Variants in GALNT13 observed in about 807,000 individuals in gnomAD.
GALNT13 encodes the protein UDP-GalNAc:polypeptide N-acetylgalactosaminyltransferase 13.
A neutral mutation model predicts 64.2 loss-of-function variants in GALNT13; 28 were observed. The observed-to-expected ratio is 0.44, with a 90% CI of 0.32 to 0.60. The LOEUF is 0.60. Ranked by LOEUF, GALNT13 falls within the 20% of genes least tolerant of loss-of-function variation. The probability of loss-of-function intolerance (pLI) is 0.05; values close to 1 mark genes in which losing one functional copy is unlikely to be tolerated. For synonymous variants in GALNT13, 214 were observed against 224.6 expected, an observed-to-expected ratio of 0.95 and a Z score of 0.42; for missense variants, 577 against 669.8, an observed-to-expected ratio of 0.86 and a Z score of 1.53.
At chr2:153,932,590 A>G (rs1481711239) in intron 2 of GALNT13, among the ~76,000 whole-genome samples, 1 of 141,374 alleles carries the variant, frequency 7.1e-6, no homozygotes, top group Non-Finnish European at 1.6e-5. Flanking sequence ...TTTTTGACAG[A>G]TCTTCTTTTT....
the GALNT13 span, among the ~76,000 whole-genome samples, chr2:153,708,741 T>A: frequency 6.6e-6 from 1 of 152,268 alleles, no homozygotes; most frequent in Non-Finnish European, 1.5e-5. Flanking sequence ...ATCTACTGTA[T>A]ACTACAAAGC....
chr2:153,231,804 G>A, the GALNT13 span, among the ~76,000 whole-genome samples: 2 of 151,910 alleles, frequency 1.3e-5, no homozygotes, highest in East Asian at 3.9e-4. Context: ...TCCTAGCTGG[G>A]GATAAAAGGA....
At chr2:154,126,845 T>A (rs1270996691) in intron 3 of GALNT13, among the ~76,000 whole-genome samples, 1 of 151,910 alleles carries the variant, frequency 6.6e-6, no homozygotes, top group Non-Finnish European at 1.5e-5. Flanking sequence ...GGGTCTCCCA[T>A]ATGGGAGTGC....
chr2:153,405,784 C>G, the GALNT13 span, among the ~76,000 whole-genome samples: 1 of 152,126 alleles, frequency 6.6e-6, no homozygotes, highest in African/African-American at 2.4e-5. Context: ...AAACCCAGGA[C>G]ATGCTAATTA....
At chr2:153,504,936 C>T in the GALNT13 span, among the ~76,000 whole-genome samples, 4 of 152,044 alleles carry the variant, frequency 2.6e-5, no homozygotes, top group African/African-American at 7.2e-5. Flanking sequence ...TCTCTCCTGT[C>T]GAATAGTGTC....
chr2:153,628,071 T>A, the GALNT13 span, among the ~76,000 whole-genome samples: 1 of 152,270 alleles, frequency 6.6e-6, no homozygotes, highest in Admixed American at 6.5e-5. Context: ...TCACGTCCCT[T>A]GTAAGTGGGA....
chr2:153,915,075 T>C (rs1281143390), intron 2 of GALNT13, among the ~76,000 whole-genome samples: 1 of 152,134 alleles, frequency 6.6e-6, no homozygotes, highest in South Asian at 2.1e-4. Context: ...GGTGTCCTGC[T>C]CTTCCCCCAG....
At chr2:154,355,729 A>T (rs1696702887) in intron 9 of GALNT13, among the ~76,000 whole-genome samples, 1 of 152,064 alleles carries the variant, frequency 6.6e-6, no homozygotes, top group Non-Finnish European at 1.5e-5. Flanking sequence ...GCTGCATAAA[A>T]TGAGTACTTT....
At chr2:153,436,037 A>ATG in the GALNT13 span, among the ~76,000 whole-genome samples, 1 of 152,170 alleles carries the variant, frequency 6.6e-6, no homozygotes, top group Non-Finnish European at 1.5e-5. Context: ...TTTAGCATGA[A>ATG]GTGCTGTTGA....
intron 4 of GALNT13, among the ~76,000 whole-genome samples, chr2:154,141,908 C>A (rs1233605332): frequency 1.3e-5 from 2 of 152,060 alleles, no homozygotes; most frequent in Non-Finnish European, 2.9e-5. Flanking sequence ...AAGCTATGCT[C>A]TAGATAGTTG....
At chr2:153,233,770 A>G in the GALNT13 span, among the ~76,000 whole-genome samples, 2 of 152,186 alleles carry the variant, frequency 1.3e-5, no homozygotes, top group African/African-American at 4.8e-5. Flanking sequence ...GCAGAAATGA[A>G]TCATCACCTG....
intron 2 of GALNT13, among the ~76,000 whole-genome samples, chr2:153,933,040 CAT>C (rs1280104578): frequency 6.6e-6 from 1 of 152,040 alleles, no homozygotes; most frequent in African/African-American, 2.4e-5. Flanking sequence ...TATGGGTGAA[CAT>C]GTGATTGATT....
the GALNT13 span, among the ~76,000 whole-genome samples, chr2:153,777,695 C>T: frequency 1.3e-5 from 2 of 152,156 alleles, no homozygotes; most frequent in Non-Finnish European, 2.9e-5. Flanking sequence ...TCACTGCTCA[C>T]ACCTCTAGGG....
intron 3 of GALNT13, among the ~76,000 whole-genome samples, chr2:154,024,700 C>T (rs1171799447): frequency 2.0e-5 from 3 of 152,154 alleles, no homozygotes; most frequent in Non-Finnish European, 4.4e-5. Flanking sequence ...GCTTGTCAAA[C>T]TCATTCTCCA....
the GALNT13 span, among the ~76,000 whole-genome samples, chr2:153,723,322 C>G: frequency 1.0e-4 from 15 of 150,592 alleles, no homozygotes; most frequent in African/African-American, 3.7e-4. Context: ...TAAGAGCTAT[C>G]TATGACAAAC....
At chr2:153,646,860 T>A in the GALNT13 span, among the ~76,000 whole-genome samples, 1 of 152,178 alleles carries the variant, frequency 6.6e-6, no homozygotes, top group African/African-American at 2.4e-5. Flanking sequence ...ATCCAGTCTA[T>A]CATTGTTGGA....
chr2:154,245,290 C>T lies in GALNT13; in HGVS notation c.687-522C>T, dbSNP rs545265909. 6.6e-5 allele frequency among the ~76,000 whole-genome samples: 10 copies of T among 152,098 alleles called. No individual in the cohort carries two copies. The South Asian group carries it at 1.5e-3, about 22-fold the overall frequency. ...CATCGGAAACATTTACTTATACTGACGGATTATGATTTTTGTTGTTGCTGT... is the reference window on the plus strand; with the variant it reads ...CATCGGAAACATTTACTTATACTGATGGATTATGATTTTTGTTGTTGCTGT... On this transcript the variant is annotated intron_variant, in intron 6 of 12. Coordinates refer to ENST00000392825, the MANE Select transcript of GALNT13 (RefSeq NM_052917.4).
chr2:153,526,970 A>G, the GALNT13 span, among the ~76,000 whole-genome samples: 14 of 152,286 alleles, frequency 9.2e-5, no homozygotes, highest in Non-Finnish European at 1.9e-4. Context: ...AAGATAAGCT[A>G]TTTGAAAATA....
At chr2:153,130,081 C>G in the GALNT13 span, among the ~76,000 whole-genome samples, 7 of 152,116 alleles carry the variant, frequency 4.6e-5, no homozygotes, top group Non-Finnish European at 7.4e-5. Flanking sequence ...TACCTAATAC[C>G]AAGTGCATCA....
Sources: allele counts gnomAD v4.1 joint callset (sites outside exome capture counted in the v4.1 genomes callset), GRCh38; gene constraint gnomAD v4.1.1; transcripts MANE v1.5; gene names NCBI Gene and HGNC (gene_info 2026-07-23, HGNC 2026-07-21).